The following SCRT2 variants were observed in gnomAD, a reference collection of about 807,000 sequenced individuals.
The protein encoded by SCRT2 is transcriptional repressor scratch 2.
A neutral mutation model predicts 3.7 loss-of-function variants in SCRT2; 2 were observed. The observed-to-expected ratio is 0.54, with a 90% CI of 0.22 to 1.70. The LOEUF is 1.70. Ranked by LOEUF, SCRT2 falls within the 40% of genes most tolerant of loss-of-function variation. SCRT2 has a pLI of 0.19. For synonymous variants in SCRT2, 256 were observed against 220.6 expected, an observed-to-expected ratio of 1.16 and a Z score of -1.42; for missense variants, 456 against 468.5, an observed-to-expected ratio of 0.97 and a Z score of 0.25.
Position 664,551 on chromosome 20 carries a change from T to G in SCRT2, c.134-90A>C, listed in dbSNP as rs567821517. 2.1e-6 allele frequency: 2 copies of G among 970,042 alleles called. No homozygotes were observed. Among genetic ancestry groups the G allele is most frequent in the East Asian group, 3.3e-5 (1 of 30,456 alleles). 60.1% of individuals were successfully genotyped at this position (970,042 alleles called of 1,614,324 possible). On this transcript the variant is annotated intron_variant, in intron 1 of 1. Coordinates refer to ENST00000246104, the MANE Select transcript of SCRT2 (RefSeq NM_033129.4). This position sits in a 1 kb window ranked among gnomAD's most constrained non-coding sequence, Gnocchi z 7.9. ...CGCGTCACCCTTTGCGCCTTCCAGC[T>G]TGGCGCCCCTGTGGCAGCTCCGACA...
intron 1 of SCRT2, among the ~76,000 whole-genome samples, chr20:669,034 C>A (rs1039933688): frequency 6.6e-6 from 1 of 151,336 alleles, no homozygotes; most frequent in African/African-American, 2.4e-5. Context: ...TTCCAAAACA[C>A]CAGAGAGGGC....
rs1384867260 is a variant in SCRT2, at chr20:667,772, C to T, written c.134-3311G>A. ...CAGACACCCAGTCAGTGGATTTTGG[C>T]ATGGGTTGAGAGCATCCTGTGAGAG... is the stretch of plus-strand genomic sequence containing the variant. On this transcript the variant is annotated intron_variant, in intron 1 of 1. Coordinates refer to ENST00000246104, the MANE Select transcript of SCRT2 (RefSeq NM_033129.4). The surrounding 1 kb of genome is among the most constrained non-coding windows in gnomAD (Gnocchi z 4.4). Among the ~76,000 whole-genome samples the T allele has an allele frequency of 2.0e-5, 3 of 152,182 alleles. No homozygotes were observed. The highest frequency in any genetic ancestry group is 4.4e-5 in the Non-Finnish European group (3 of 68,030).
rs148437998 is a variant in SCRT2, at chr20:665,291, A to T, written c.134-830T>A. 8.0e-4 allele frequency among the ~76,000 whole-genome samples: 122 copies of T among 152,316 alleles called. No individual in the cohort carries two copies. Among genetic ancestry groups the T allele is most frequent in the African/African-American group, 2.7e-3 (113 of 41,552 alleles). On this transcript the variant is annotated intron_variant, in intron 1 of 1. Coordinates refer to ENST00000246104, the MANE Select transcript of SCRT2 (RefSeq NM_033129.4). The surrounding 1 kb of genome is among the most constrained non-coding windows in gnomAD (Gnocchi z 5.0). ...CCTGGCTCAAAGTAGGTGTGCGATG[A>T]ATAGATGTTGCATGAAGGAATCACA... is the stretch of plus-strand genomic sequence containing the variant.
rs962201394 is a variant in SCRT2, at chr20:675,272, C to T, written c.133+197G>A. On this transcript the variant is annotated intron_variant, in intron 1 of 1. Coordinates refer to ENST00000246104, the MANE Select transcript of SCRT2 (RefSeq NM_033129.4). This position sits in a 1 kb window ranked among gnomAD's most constrained non-coding sequence, Gnocchi z 6.9. ...GTGGCTGCGGGATGGGCCGACCCCG[C>T]GACTTTCCCTTTGTACGACCTAGCC... 5.9e-5 allele frequency among the ~76,000 whole-genome samples: 9 copies of T among 152,222 alleles called. No homozygotes were observed. The East Asian group carries it at 1.7e-3, about 30-fold the overall frequency.
In SCRT2 at chr20:666,372, G is replaced by C. The variant is rs1984155452; in HGVS notation, c.134-1911C>G. 6.6e-6 allele frequency among the ~76,000 whole-genome samples: 1 copy of C among 152,074 alleles called. No individual in the cohort carries two copies. Among genetic ancestry groups the C allele is most frequent in the African/African-American group, 2.4e-5 (1 of 41,384 alleles). ...TCAGACTGAGTTAAATACCCGTCAGGCACTCCCAGACCCCCCTCCTTCTCC... is the reference window on the plus strand; with the variant it reads ...TCAGACTGAGTTAAATACCCGTCAGCCACTCCCAGACCCCCCTCCTTCTCC... On this transcript the variant is annotated intron_variant, in intron 1 of 1. Transcript: ENST00000246104. This position sits in a 1 kb window ranked among gnomAD's most constrained non-coding sequence, Gnocchi z 4.4.
Position 664,136 on chromosome 20 carries a change from G to T in SCRT2, c.459C>A (p.His153Gln). Residue 153 changes from histidine (H) to glutamine (Q), a missense_variant, in exon 2 of 2, where the codon CAC becomes CAA. By Grantham distance (24) the His-to-Gln change is conservative. This residue lies in a region of SCRT2 where 306 missense variants were observed against 305.3 expected (regional missense o/e 1.00). Transcript: ENST00000246104. This position sits in a 1 kb window ranked among gnomAD's most constrained non-coding sequence, Gnocchi z 7.9. ...GRAGAQAGGG[H>Q]RHACAECGKT... ...TGCCGCACTCGGCGCACGCGTGCCG[G>T]TGCCCGCCGCCCGCCTGCGCCCCCG... is the stretch of plus-strand genomic sequence containing the variant. 3 of 1,466,132 alleles carry T rather than the reference G, an allele frequency of 2.0e-6. No individual in the cohort carries two copies. The South Asian group carries it at 4.0e-5, about 19-fold the overall frequency. 90.8% of individuals were successfully genotyped at this position (1,466,132 alleles called of 1,614,324 possible).
Position 664,406 on chromosome 20 carries a change from G to A in SCRT2, c.189C>T (p.Gly63=), listed in dbSNP as rs1984085354. 2.2e-6 allele frequency: 3 copies of A among 1,379,110 alleles called. No individual in the cohort carries two copies. The highest frequency in any genetic ancestry group is 1.6e-5 in the South Asian group (1 of 63,304). 85.4% of individuals were successfully genotyped at this position (1,379,110 alleles called of 1,614,324 possible). A position where few individuals can be genotyped will look rare whatever the true frequency, so the allele number is the denominator to read the frequency against. The change falls in exon 2 of 2, where the codon GGC becomes GGT. Residue 63 remains glycine, a synonymous_variant. Coordinates refer to ENST00000246104, the MANE Select transcript of SCRT2 (RefSeq NM_033129.4). The surrounding 1 kb of genome is among the most constrained non-coding windows in gnomAD (Gnocchi z 7.9). ...CGGGCTCGGCCGGGGCCAGCTCCAG[G>A]CCCGGCTTCTGGTCCGCATCGTAGC... ...PSSYDADQKP[G]LELAPAEPAY...
In SCRT2 at chr20:662,627, A is replaced by G. The variant is rs888351895; in HGVS notation, c.*1044T>C. On this transcript the variant is annotated 3_prime_UTR_variant, in exon 2 of 2. Transcript: ENST00000246104. ...AGGCCAAGAGATTAAATAGAATAATAAATAGATAAATAAATAAATACACAA... is the reference window on the plus strand; with the variant it reads ...AGGCCAAGAGATTAAATAGAATAATGAATAGATAAATAAATAAATACACAA... 2 of 152,478 alleles carry G rather than the reference A, an allele frequency of 1.3e-5. No individual in the cohort carries two copies. The allele number at this position is 152,478 out of a possible 1,614,324, so 9.4% of individuals were successfully genotyped here. A position where few individuals can be genotyped will look rare whatever the true frequency, so the allele number is the denominator to read the frequency against.
In SCRT2 at chr20:665,470, CCCT is replaced by C. The variant is rs1239492140; in HGVS notation, c.134-1012_134-1010del. 6.6e-6 allele frequency among the ~76,000 whole-genome samples: 1 copy of C among 152,202 alleles called. No individual in the cohort carries two copies. On this transcript the variant is annotated intron_variant, in intron 1 of 1. Transcript: ENST00000246104. This position sits in a 1 kb window ranked among gnomAD's most constrained non-coding sequence, Gnocchi z 5.0. The stretch of plus-strand genomic sequence containing the variant: ...AAGTCCGCAGTGAGAATTCCCCTCC[CCCT>C]CCTCCTCCCACTTAGCTGGAGTTGG...
intron 1 of SCRT2, among the ~76,000 whole-genome samples, chr20:668,118 T>A (rs1002831760): frequency 6.6e-6 from 1 of 152,136 alleles, no homozygotes; most frequent in Non-Finnish European, 1.5e-5. Context: ...TGTAAAGTGC[T>A]TAGGACAATG....
chr20:670,949 A>C (rs1050826502), intron 1 of SCRT2, among the ~76,000 whole-genome samples: 5 of 152,304 alleles, frequency 3.3e-5, no homozygotes, highest in Middle Eastern at 3.4e-3. Flanking sequence ...AGAAGGTCAA[A>C]GCTGAAAGAG....
chr20:669,686 G>T (rs1480272888), intron 1 of SCRT2, among the ~76,000 whole-genome samples: 1 of 152,248 alleles, frequency 6.6e-6, no homozygotes, highest in Non-Finnish European at 1.5e-5. Context: ...CGGGCCTCGA[G>T]AATCAGCTCC....
intron 1 of SCRT2, among the ~76,000 whole-genome samples, chr20:672,024 T>G (rs1435954164): frequency 6.6e-6 from 1 of 151,646 alleles, no homozygotes; most frequent in Non-Finnish European, 1.5e-5. Context: ...CCCCGGTCTG[T>G]GGGGAGGGCC....
Position 663,803 on chromosome 20 carries a change from G to A in SCRT2, c.792C>T (p.Ala264=), listed in dbSNP as rs1298690093. 2 of 1,595,560 alleles carry A rather than the reference G, an allele frequency of 1.3e-6. No individual in the cohort carries two copies. The highest frequency in any genetic ancestry group is 1.7e-6 in the Non-Finnish European group (2 of 1,173,208). The change falls in exon 2 of 2, where the codon GCC becomes GCT. Residue 264 remains alanine, a synonymous_variant. Coordinates refer to ENST00000246104, the MANE Select transcript of SCRT2 (RefSeq NM_033129.4). This position sits in a 1 kb window ranked among gnomAD's most constrained non-coding sequence, Gnocchi z 6.9. ...NLRAHMQTHS[A]FKHYRCRQCD... is the part of the protein sequence containing the mutation. ...ACTGGCGGCAGCGGTAGTGCTTGAA[G>A]GCCGAGTGCGTCTGCATGTGCGCGC... is the stretch of plus-strand genomic sequence containing the variant.
In SCRT2 at chr20:664,183, C is replaced by CGCCCCCCGCGTCTCCCGA; in HGVS notation, c.394_411dup (p.Ser132_Gly137dup). ...CCCGCGCGCCCCGCGCGCCCCCCGG[C>CGCCCCCCGCGTCTCCCGA]GCCCCCCGCGTCTCCCGAGCCCCCC... On this transcript the variant is annotated inframe_insertion, in exon 2 of 2. Transcript: ENST00000246104. The surrounding 1 kb of genome is among the most constrained non-coding windows in gnomAD (Gnocchi z 7.9). The CGCCCCCCGCGTCTCCCGA allele has an allele frequency of 2.8e-6, 3 of 1,061,594 alleles. No individual in the cohort carries two copies. The highest frequency in any genetic ancestry group is 8.8e-5 in the South Asian group (2 of 22,844). 65.8% of individuals were successfully genotyped at this position (1,061,594 alleles called of 1,614,324 possible).
At position 664,329 on chromosome 20, in the gene SCRT2, G is replaced by C; in HGVS notation, c.266C>G (p.Ser89Trp). ...TCGGAAGTAGCGCGCCGACAGGCTCGACTGCGGGCTTTCGGGGTCGCTGTA... is the reference window on the plus strand; with the variant it reads ...TCGGAAGTAGCGCGCCGACAGGCTCCACTGCGGGCTTTCGGGGTCGCTGTA... ...EEYSDPESPQ[S>W]SLSARYFRGE... is the part of the protein sequence containing the mutation. Residue 89 changes from serine (S) to tryptophan (W), a missense_variant, in exon 2 of 2, where the codon TCG becomes TGG. Ser to Trp is a radical substitution (Grantham distance 177). This residue lies in a region of SCRT2 where 306 missense variants were observed against 305.3 expected (regional missense o/e 1.00). Transcript: ENST00000246104. This position sits in a 1 kb window ranked among gnomAD's most constrained non-coding sequence, Gnocchi z 7.9. 6.7e-7 allele frequency: 1 copy of C among 1,502,456 alleles called. No individual in the cohort carries two copies. Among genetic ancestry groups the C allele is most frequent in the Non-Finnish European group, 9.0e-7 (1 of 1,116,634 alleles). 93.1% of individuals were successfully genotyped at this position (1,502,456 alleles called of 1,614,324 possible).
rs1984193882 is a variant in SCRT2 at position 667,554 on chromosome 20, T to A, written c.134-3093A>T. 6.6e-6 allele frequency among the ~76,000 whole-genome samples: 1 copy of A among 152,176 alleles called. No individual in the cohort carries two copies. The highest frequency in any genetic ancestry group is 1.5e-5 in the Non-Finnish European group (1 of 68,026). ...TATCTGGTGCATAGTAGGAGCTCCA[T>A]CAGTGAACCAGAGCGTTCTCCATGA... On this transcript the variant is annotated intron_variant, in intron 1 of 1. Coordinates refer to ENST00000246104, the MANE Select transcript of SCRT2 (RefSeq NM_033129.4). The surrounding 1 kb of genome is among the most constrained non-coding windows in gnomAD (Gnocchi z 4.4).
rs889332504 is a variant in SCRT2, at chr20:675,237, C to T, written c.133+232G>A. Among the ~76,000 whole-genome samples the T allele has an allele frequency of 6.6e-6, 1 of 152,204 alleles. No individual in the cohort carries two copies. The highest frequency in any genetic ancestry group is 2.4e-5 in the African/African-American group (1 of 41,458). ...TTGAGGGCCACAACTTTCAAAGTCC[C>T]GGCTGGCGCGTGGCTGCGGGATGGG... On this transcript the variant is annotated intron_variant, in intron 1 of 1. Coordinates refer to ENST00000246104, the MANE Select transcript of SCRT2 (RefSeq NM_033129.4). This position sits in a 1 kb window ranked among gnomAD's most constrained non-coding sequence, Gnocchi z 6.9.
chr20:673,586 G>A (rs995407924), intron 1 of SCRT2, among the ~76,000 whole-genome samples: 1 of 152,198 alleles, frequency 6.6e-6, no homozygotes, highest in Non-Finnish European at 1.5e-5. Context: ...TGGTTCTAGG[G>A]TGTTAAACCC....
Sources: gnomAD v4.1 joint callset for allele counts (sites outside exome capture counted in the v4.1 genomes callset) on GRCh38, gnomAD v4.1.1 for gene constraint, gnomAD v4.1.1 regional missense constraint, Gnocchi (gnomAD v3.1) non-coding constraint, MANE v1.5 for transcripts, NCBI Gene and HGNC (gene_info 2026-07-23, HGNC 2026-07-21) for gene names.